SCAP: variants seen among roughly 807,000 people sequenced by gnomAD.
The protein encoded by SCAP is SREBF chaperone, also known as sterol regulatory element-binding protein cleavage-activating protein.
In SCAP, 65 loss-of-function variants were observed where a neutral mutation model predicts 123.6. The observed-to-expected ratio is 0.53, with a 90% CI of 0.43 to 0.65. SCAP has a LOEUF of 0.65. Among genes scored for constraint, SCAP ranks in the 30% least tolerant of loss-of-function variants. The probability of loss-of-function intolerance (pLI) is 0.00; values close to 1 mark genes in which losing one functional copy is unlikely to be tolerated. For missense variants in SCAP, 1,398 were observed against 1,712.5 expected (o/e 0.82, Z 3.24); for synonymous variants, 740 against 726.3 (o/e 1.02, Z -0.30).
intron 1 of SCAP, among the ~76,000 whole-genome samples, chr3:47,471,313 C>T (rs1310922227): frequency 1.3e-5 from 2 of 152,070 alleles, no homozygotes; most frequent in East Asian, 1.9e-4. Flanking sequence ...ATATTTAGAA[C>T]GGGAAGGAAA....
intron 1 of SCAP, among the ~76,000 whole-genome samples, chr3:47,472,994 C>G (rs954630423): frequency 2.8e-5 from 4 of 144,316 alleles, no homozygotes; most frequent in Admixed American, 2.2e-4. Context: ...GCAGGAGAAT[C>G]GCTTGAACCT....
At chr3:47,446,662 C>G (rs1707056837) in intron 1 of SCAP, among the ~76,000 whole-genome samples, 1 of 152,018 alleles carries the variant, frequency 6.6e-6, no homozygotes, top group Non-Finnish European at 1.5e-5. Flanking sequence ...TGTAATCCAG[C>G]TGGGTGCAGT....
intron 1 of SCAP, among the ~76,000 whole-genome samples, chr3:47,474,558 G>C (rs113848929): frequency 1.3e-3 from 194 of 152,278 alleles, no homozygotes; most frequent in African/African-American, 4.5e-3. Context: ...ACTTTGGGAG[G>C]CCAAGGCTTG....
At position 47,443,110 on chromosome 3, in the gene SCAP, A is replaced by G; in HGVS notation, c.-98-19T>C. The stretch of plus-strand genomic sequence containing the variant: ...CAGGTACCTGGTAAGAAGGGAGAAA[A>G]GCCAGTTAACAAAGAGTACTTGGCT... On this transcript the variant is annotated intron_variant, in intron 1 of 22. Coordinates refer to ENST00000265565, the MANE Select transcript of SCAP (RefSeq NM_012235.4). 1.3e-6 allele frequency: 2 copies of G among 1,523,980 alleles called. No individual in the cohort carries two copies. The highest frequency in any genetic ancestry group is 2.4e-5 in the East Asian group (1 of 42,276). 94.4% of individuals were successfully genotyped at this position (1,523,980 alleles called of 1,614,324 possible).
intron 1 of SCAP, among the ~76,000 whole-genome samples, chr3:47,472,861 A>G (rs1189498552): frequency 6.6e-6 from 1 of 152,010 alleles, no homozygotes; most frequent in East Asian, 1.9e-4. Context: ...CGGGCGGATC[A>G]CCTGAGATCG....
chr3:47,472,805 G>A (rs1364019754), intron 1 of SCAP, among the ~76,000 whole-genome samples: 1 of 152,072 alleles, frequency 6.6e-6, no homozygotes, highest in African/African-American at 2.4e-5. Flanking sequence ...TGTGGGCTGC[G>A]TGCAGTGGCT....
chr3:47,435,469 T>TACACACACACACACACACAC (rs57702290), intron 2 of SCAP, among the ~76,000 whole-genome samples: 44 of 91,962 alleles, frequency 4.8e-4, no homozygotes, highest in African/African-American at 1.4e-3. Flanking sequence ...AATATAAACA[T>TACACACACACACACACACAC]ACACACACAC....
chr3:47,432,643 C>T (rs1386143314), intron 3 of SCAP, among the ~76,000 whole-genome samples: 2 of 152,046 alleles, frequency 1.3e-5, no homozygotes, highest in Non-Finnish European at 2.9e-5. Flanking sequence ...CTGTCTACTG[C>T]CCGAGTCTCC....
intron 1 of SCAP, among the ~76,000 whole-genome samples, chr3:47,463,460 G>A (rs1707719874): frequency 6.6e-6 from 1 of 152,194 alleles, no homozygotes. Flanking sequence ...CCAGCACTTT[G>A]GGAGGCAGAG....
Position 47,414,661 on chromosome 3 carries a change from G to A in SCAP, c.3307-9C>T. ...TCCTCCAGACGGAACACCTGGGACA[G>A]GGATGGGCCTCAGGTTCTGGTCTCT... On this transcript the variant is annotated splice_polypyrimidine_tract_variant and intron_variant, in intron 20 of 22. Transcript: ENST00000265565. 8.7e-6 allele frequency: 14 copies of A among 1,613,216 alleles called. No homozygotes were observed. Among genetic ancestry groups the A allele is most frequent in the Non-Finnish European group, 1.2e-5 (14 of 1,179,978 alleles).
At chr3:47,448,002 C>CAAAAAA (rs35075035) in intron 1 of SCAP, among the ~76,000 whole-genome samples, 5 of 66,318 alleles carry the variant, frequency 7.5e-5, no homozygotes, top group African/African-American at 1.3e-4. Flanking sequence ...GACTCCGTCT[C>CAAAAAA]AAAAAAAAAA....
intron 3 of SCAP, among the ~76,000 whole-genome samples, chr3:47,432,555 A>T (rs1706408948): frequency 6.6e-6 from 1 of 152,108 alleles, no homozygotes; most frequent in Non-Finnish European, 1.5e-5. Context: ...GCAATAAACG[A>T]GTGCTGAACT....
intron 1 of SCAP, among the ~76,000 whole-genome samples, chr3:47,468,296 C>T (rs1330365696): frequency 6.6e-6 from 1 of 152,172 alleles, no homozygotes; most frequent in Non-Finnish European, 1.5e-5. Flanking sequence ...AATCGCCACA[C>T]TGTCTTCCAC....
intron 14 of SCAP, 29 bp downstream of exon 14, chr3:47,418,626 T>TTAC: frequency 5.5e-6 from 8 of 1,459,542 alleles, no homozygotes; most frequent in Non-Finnish European, 7.6e-6. Flanking sequence ...CCGCACTCTT[T>TTAC]CCCACCCCAC....
intron 14 of SCAP, 29 bp downstream of exon 14, chr3:47,418,626 T>TGGCCCCC: frequency 7.5e-6 from 11 of 1,459,524 alleles, no homozygotes; most frequent in Non-Finnish European, 9.5e-6. Flanking sequence ...CCGCACTCTT[T>TGGCCCCC]CCCACCCCAC....
intron 1 of SCAP, among the ~76,000 whole-genome samples, chr3:47,456,833 T>C (rs1707445307): frequency 6.6e-6 from 1 of 151,932 alleles, no homozygotes; most frequent in South Asian, 2.1e-4. Context: ...GCAATTCATA[T>C]CGCTGACAAG....
rs572131220 is a variant in SCAP at position 47,451,611 on chromosome 3, C to T, written c.-98-8520G>A. 1.7e-5 allele frequency among the ~76,000 whole-genome samples: 2 copies of T among 121,066 alleles called. 1 individual carries two copies. The highest frequency in any genetic ancestry group is 3.6e-5 in the Non-Finnish European group (2 of 54,886). 79.4% of individuals were successfully genotyped at this position (121,066 alleles called of 152,430 possible). On this transcript the variant is annotated intron_variant, in intron 1 of 22. Transcript: ENST00000265565. ...ATGGGGTTTTACCATGTTGCCCAGG[C>T]TGGTCTTAAACTCTTAGACTCCAGC...
Position 47,413,987 on chromosome 3 carries a change from ACTGT to A in SCAP, c.3703_3706del (p.Thr1235SerfsTer?), listed in dbSNP as rs746678809. 18 of 1,613,168 alleles carry A rather than the reference ACTGT, an allele frequency of 1.1e-5. No homozygotes were observed. The highest frequency in any genetic ancestry group is 4.0e-5 in the African/African-American group (3 of 74,914). Reference sequence around the variant, plus strand: ...GGCCTCACTGTTCTTCCCCAGGTAGACTGTCTGTAACAGGTCCCCGTAGTTTAGG... The same window carrying A: ...GGCCTCACTGTTCTTCCCCAGGTAGACTGTAACAGGTCCCCGTAGTTTAGG... On this transcript the variant is annotated frameshift_variant, in exon 23 of 23. Coordinates refer to ENST00000265565, the MANE Select transcript of SCAP (RefSeq NM_012235.4). LOFTEE classifies it high-confidence loss of function.
chr3:47,420,875 C>T lies in SCAP; in HGVS notation c.1344+56G>A. The T allele has an allele frequency of 6.3e-7, 1 of 1,590,116 alleles. No homozygotes were observed. Among genetic ancestry groups the T allele is most frequent in the African/African-American group, 1.3e-5 (1 of 74,414 alleles). The stretch of plus-strand genomic sequence containing the variant: ...TCTACACCCTTCTCACCCAGGACTC[C>T]CTCAGTACAGCCAGGGCTGAGGAGG... On this transcript the variant is annotated intron_variant, in intron 11 of 22. Coordinates refer to ENST00000265565, the MANE Select transcript of SCAP (RefSeq NM_012235.4). This position sits in a 1 kb window ranked among gnomAD's most constrained non-coding sequence, Gnocchi z 5.0.
Sources: allele counts gnomAD v4.1 joint callset (sites outside exome capture counted in the v4.1 genomes callset), GRCh38; gene constraint gnomAD v4.1.1; non-coding constraint Gnocchi (gnomAD v3.1); transcripts MANE v1.5; gene names NCBI Gene and HGNC (gene_info 2026-07-23, HGNC 2026-07-21).